The following THSD4 variants were observed in gnomAD, a reference collection of about 807,000 sequenced individuals.
The protein encoded by THSD4 is thrombospondin type-1 domain-containing protein 4.
A neutral mutation model predicts 119.0 loss-of-function variants in THSD4; 69 were observed. The ratio of observed to expected loss-of-function variants is 0.58; its 90% CI spans 0.48 to 0.71. THSD4 has a LOEUF of 0.71. THSD4 is among the 30% of genes least tolerant of loss of function. The pLI, the probability that THSD4 is intolerant of heterozygous loss-of-function variation, is 0.00. For synonymous variants in THSD4, 524 were observed against 540.4 expected (o/e 0.97, Z 0.42); for missense variants, 1,393 against 1,391.1 (o/e 1.00, Z -0.02).
At chr15:71,178,202 C>T (rs1467658056) in intron 3 of THSD4, among the ~76,000 whole-genome samples, 1 of 11,178 alleles carries the variant, frequency 8.9e-5, no homozygotes. Context: ...GTCAAATTGT[C>T]CCTGTTTGCA....
intron 5 of THSD4, among the ~76,000 whole-genome samples, chr15:71,254,207 C>G (rs897743233): frequency 6.6e-6 from 1 of 152,206 alleles, no homozygotes; most frequent in African/African-American, 2.4e-5. Flanking sequence ...CTACGAAGAC[C>G]TGCGGCCCGG....
intron 6 of THSD4, among the ~76,000 whole-genome samples, chr15:71,261,694 A>G (rs2044401949): frequency 6.6e-6 from 1 of 152,158 alleles, no homozygotes; most frequent in East Asian, 1.9e-4. Context: ...ACAGACAGGA[A>G]AACATTCTTC....
chr15:71,526,116 G>A (rs2048514900), intron 7 of THSD4, among the ~76,000 whole-genome samples: 1 of 152,088 alleles, frequency 6.6e-6, no homozygotes, highest in African/African-American at 2.4e-5. Flanking sequence ...TGTAGGCTGG[G>A]GACAATGCCA....
intron 3 of THSD4, chr15:71,165,041 G>C: frequency 6.3e-7 from 1 of 1,589,234 alleles, no homozygotes; most frequent in Non-Finnish European, 8.6e-7. Flanking sequence ...CAGTTTCTTC[G>C]CAACATCACC....
At chr15:71,709,023 A>T (rs1316969952) in intron 8 of THSD4, among the ~76,000 whole-genome samples, 1 of 152,152 alleles carries the variant, frequency 6.6e-6, no homozygotes, top group African/African-American at 2.4e-5. Context: ...GTTACGTGGG[A>T]GGTAGAGTCG....
At chr15:71,672,535 G>A (rs965897726) in intron 8 of THSD4, among the ~76,000 whole-genome samples, 2 of 152,232 alleles carry the variant, frequency 1.3e-5, no homozygotes, top group Non-Finnish European at 2.9e-5. Flanking sequence ...TTGAATAGGA[G>A]TGGTGAGAGA....
At chr15:71,701,409 T>C (rs2052285880) in intron 8 of THSD4, among the ~76,000 whole-genome samples, 1 of 152,116 alleles carries the variant, frequency 6.6e-6, no homozygotes, top group Non-Finnish European at 1.5e-5. Flanking sequence ...ACTCACTAAG[T>C]ATTGAGTGTA....
intron 7 of THSD4, among the ~76,000 whole-genome samples, chr15:71,484,379 G>T (rs752482329): frequency 1.2e-4 from 19 of 152,168 alleles, no homozygotes; most frequent in African/African-American, 2.4e-4. Flanking sequence ...TTCTTACATT[G>T]TTTTTTCGAT....
chr15:71,690,324 C>G (rs929737167), intron 8 of THSD4, among the ~76,000 whole-genome samples: 1 of 152,158 alleles, frequency 6.6e-6, no homozygotes, highest in Non-Finnish European at 1.5e-5. Flanking sequence ...ATCTGGGGTC[C>G]TTGTGGCATG....
At chr15:71,527,708 C>CTTTTTTTTTTTTTTTTTTTTT (rs10635101) in intron 7 of THSD4, among the ~76,000 whole-genome samples, 2 of 79,716 alleles carry the variant, frequency 2.5e-5, no homozygotes, top group African/African-American at 4.1e-5. Flanking sequence ...TGTTTATCCT[C>CTTTTTTTTTTTTTTTTTTTTT]TTTTTTTTTT....
At chr15:71,547,335 C>A in intron 7 of THSD4, 1 of 1,541,896 alleles carries the variant, frequency 6.5e-7, no homozygotes. Context: ...AATCCCGAGA[C>A]ACAAGTGCAT....
chr15:71,540,990 T>C (rs138689007), intron 7 of THSD4, among the ~76,000 whole-genome samples: 75 of 152,340 alleles, frequency 4.9e-4, no homozygotes, highest in African/African-American at 1.8e-3. Context: ...CCCAAAGTGC[T>C]GCGATTACCA....
At chr15:71,391,214 A>G (rs2046373579) in intron 6 of THSD4, among the ~76,000 whole-genome samples, 1 of 151,982 alleles carries the variant, frequency 6.6e-6, no homozygotes, top group African/African-American at 2.4e-5. Flanking sequence ...ATTTTTTAGT[A>G]GAGACGGGGT....
chr15:71,517,326 A>G (rs190586452), intron 7 of THSD4, among the ~76,000 whole-genome samples: 19 of 151,786 alleles, frequency 1.3e-4, no homozygotes, highest in Non-Finnish European at 1.9e-4. Flanking sequence ...TTCCCAGTCC[A>G]TGTCTCTCTT....
chr15:71,733,445 C>T (rs1034436138), intron 10 of THSD4: 1 of 152,138 alleles, frequency 6.6e-6, no homozygotes, highest in Non-Finnish European at 1.5e-5. Flanking sequence ...ATTAGTTGTC[C>T]ATCCTAGCAT....
At chr15:71,243,567 A>G (rs2044173029) in intron 5 of THSD4, among the ~76,000 whole-genome samples, 1 of 152,160 alleles carries the variant, frequency 6.6e-6, no homozygotes, top group Non-Finnish European at 1.5e-5. Flanking sequence ...AAGGTGATAG[A>G]TGGCACACAG....
At chr15:71,193,100 T>C (rs918314047) in intron 3 of THSD4, among the ~76,000 whole-genome samples, 2 of 152,106 alleles carry the variant, frequency 1.3e-5, no homozygotes, top group African/African-American at 4.8e-5. Context: ...GCGGGGATCC[T>C]GGGGGGATGC....
chr15:71,398,620 G>C lies in THSD4; in HGVS notation c.1016-13067G>C, dbSNP rs143069327. Among the ~76,000 whole-genome samples the C allele has an allele frequency of 3.9e-4, 60 of 152,244 alleles. 2 individuals are homozygous for C. Among genetic ancestry groups the C allele is most frequent in the Admixed American group, 3.7e-3 (56 of 15,294 alleles). On this transcript the variant is annotated intron_variant, in intron 6 of 17. Coordinates refer to ENST00000261862, the MANE Select transcript of THSD4 (RefSeq NM_024817.3). ...TAGAATGTTTGTTACCATTGACAGA[G>C]ATGCATCCTTGTCCTTGAGAAAATT...
At chr15:71,331,234 G>C (rs1056114246) in intron 6 of THSD4, among the ~76,000 whole-genome samples, 1 of 152,154 alleles carries the variant, frequency 6.6e-6, no homozygotes, top group African/African-American at 2.4e-5. Flanking sequence ...GCCCTTCCTC[G>C]TACTTCTTCT....
Sources: allele counts gnomAD v4.1 joint callset (sites outside exome capture counted in the v4.1 genomes callset), GRCh38; gene constraint gnomAD v4.1.1; transcripts MANE v1.5; gene names NCBI Gene and HGNC (gene_info 2026-07-23, HGNC 2026-07-21).